AK8: variants seen among roughly 807,000 people sequenced by gnomAD.
The protein encoded by AK8 is adenylate kinase 8.
Under a neutral mutation model 54.6 loss-of-function variants are expected in AK8, and 44 were observed. That is an observed-to-expected ratio of 0.81 (90% confidence interval 0.63 to 1.04). The LOEUF is 1.04. Among genes scored for constraint, AK8 ranks in the 50% least tolerant of loss-of-function variants. The pLI, the probability that AK8 is intolerant of heterozygous loss-of-function variation, is 0.00. For missense variants in AK8, 555 were observed against 613.6 expected, an observed-to-expected ratio of 0.90 and a Z score of 1.01; for synonymous variants, 239 against 245.6, an observed-to-expected ratio of 0.97 and a Z score of 0.25.
intron 11 of AK8, among the ~76,000 whole-genome samples, chr9:132,756,863 G>T (rs1047068540): frequency 5.5e-4 from 83 of 151,948 alleles, no homozygotes; most frequent in African/African-American, 2.0e-3. Context: ...TATAACTCAC[G>T]GACTCGTGTC....
chr9:132,878,286 A>T, upstream of AK8: 1 of 1,328,238 alleles, frequency 7.5e-7, no homozygotes, highest in Non-Finnish European at 9.7e-7. This position sits in a 1 kb window ranked among gnomAD's most constrained non-coding sequence, Gnocchi z 4.7. Context: ...CTCCCTAGTA[A>T]CCGCGTCGCT....
chr9:132,747,863 C>T (rs944735811), intron 11 of AK8, among the ~76,000 whole-genome samples: 23 of 150,910 alleles, frequency 1.5e-4, no homozygotes, highest in African/African-American at 5.3e-4. Flanking sequence ...CACCTGTAAT[C>T]CCAGCACTTT....
At chr9:132,784,103 G>A (rs1373989681) in intron 11 of AK8, among the ~76,000 whole-genome samples, 1 of 152,202 alleles carries the variant, frequency 6.6e-6, no homozygotes, top group Non-Finnish European at 1.5e-5. Context: ...AAAGTAATAA[G>A]GAGAACCAAG....
At chr9:132,779,057 T>C (rs1438806025) in intron 11 of AK8, among the ~76,000 whole-genome samples, 1 of 148,942 alleles carries the variant, frequency 6.7e-6, no homozygotes, top group Non-Finnish European at 1.5e-5. Flanking sequence ...GTCTTTAAAA[T>C]GTCTTCCATA....
intron 11 of AK8, among the ~76,000 whole-genome samples, chr9:132,768,668 T>C (rs963901435): frequency 6.6e-6 from 1 of 152,218 alleles, no homozygotes; most frequent in African/African-American, 2.4e-5. Flanking sequence ...CAAATGCATA[T>C]GTGTGTGTAT....
chr9:132,832,954 G>T (rs111967637), intron 5 of AK8, among the ~76,000 whole-genome samples: 1 of 152,134 alleles, frequency 6.6e-6, no homozygotes, highest in Admixed American at 6.6e-5. Flanking sequence ...GAAATGGTAC[G>T]ATCACCTGGG....
intron 11 of AK8, among the ~76,000 whole-genome samples, chr9:132,756,739 A>C (rs1241707335): frequency 6.6e-6 from 1 of 152,008 alleles, no homozygotes; most frequent in African/African-American, 2.4e-5. Flanking sequence ...CACCTAATTT[A>C]TCTCTCATCA....
intron 11 of AK8, among the ~76,000 whole-genome samples, chr9:132,746,378 C>G (rs1837654447): frequency 6.6e-6 from 1 of 152,328 alleles, no homozygotes; most frequent in East Asian, 1.9e-4. Context: ...GGTCTGCACT[C>G]TCAGGATCAA....
At chr9:132,793,222 G>A (rs1229054373) in intron 10 of AK8, among the ~76,000 whole-genome samples, 3 of 152,198 alleles carry the variant, frequency 2.0e-5, no homozygotes, top group Admixed American at 2.0e-4. Context: ...TGGAAGGGGT[G>A]AGAAGTCTCT....
chr9:132,832,017 G>C (rs1023951816), intron 5 of AK8, among the ~76,000 whole-genome samples: 1 of 135,394 alleles, frequency 7.4e-6, no homozygotes, highest in Non-Finnish European at 1.5e-5. Flanking sequence ...AGCTACGATC[G>C]TGCTATTGCA....
upstream of AK8, chr9:132,878,423 G>C (rs944915871): frequency 8.1e-7 from 1 of 1,233,560 alleles, no homozygotes; most frequent in Non-Finnish European, 1.0e-6. The surrounding 1 kb of genome is among the most constrained non-coding windows in gnomAD (Gnocchi z 4.7). Context: ...CGGCTGACGC[G>C]CTCTGCGGCT....
intron 10 of AK8, among the ~76,000 whole-genome samples, chr9:132,793,856 A>G (rs1017187558): frequency 1.3e-5 from 2 of 152,112 alleles, no homozygotes; most frequent in Non-Finnish European, 2.9e-5. Context: ...ACTGGTTCCT[A>G]GGGGTGTGGT....
intron 5 of AK8, among the ~76,000 whole-genome samples, chr9:132,844,851 C>A (rs930436384): frequency 6.6e-6 from 1 of 152,214 alleles, no homozygotes; most frequent in African/African-American, 2.4e-5. Flanking sequence ...GAAGCTCTCA[C>A]CAGAGTAACA....
At chr9:132,801,008 T>C (rs1449927259) in intron 10 of AK8, among the ~76,000 whole-genome samples, 1 of 143,006 alleles carries the variant, frequency 7.0e-6, no homozygotes, top group African/African-American at 2.6e-5. Flanking sequence ...CACTACAACC[T>C]CTACCTCCTG....
chr9:132,838,042 C>G (rs1187623058), intron 5 of AK8, among the ~76,000 whole-genome samples: 1 of 152,190 alleles, frequency 6.6e-6, no homozygotes, highest in Non-Finnish European at 1.5e-5. Context: ...AGTGTCAAAA[C>G]AATGGCAAGA....
chr9:132,820,163 A>G, intron 9 of AK8, among the ~76,000 whole-genome samples: 1 of 146,440 alleles, frequency 6.8e-6, no homozygotes, highest in African/African-American at 2.5e-5. Context: ...AAAAAAAAAA[A>G]GACAAAGGGA....
chr9:132,855,653 G>C (rs182845162), intron 4 of AK8, among the ~76,000 whole-genome samples: 12 of 152,312 alleles, frequency 7.9e-5, no homozygotes, highest in African/African-American at 2.2e-4. Flanking sequence ...AAGCCCTGTC[G>C]ACCATAATGA....
rs1843111797 is a variant in AK8 at position 132,854,800 on chromosome 9, G to A, written c.402+57C>T. 3.2e-6 allele frequency: 5 copies of A among 1,577,420 alleles called. No homozygotes were observed. In the South Asian group the frequency reaches 4.4e-5, roughly 14 times the overall value. ...TCTCTGGTCTTGGAGATGAACACAC[G>A]CCCTTCACCCTCCCCTTTATCTTGG... On this transcript the variant is annotated intron_variant, in intron 5 of 12. Coordinates refer to ENST00000298545, the MANE Select transcript of AK8 (RefSeq NM_152572.3).
intron 2 of AK8, among the ~76,000 whole-genome samples, chr9:132,869,148 C>G (rs1843708776): frequency 6.6e-6 from 1 of 152,224 alleles, no homozygotes; most frequent in Non-Finnish European, 1.5e-5. Flanking sequence ...CCACTGCACT[C>G]TAGCCTGGGC....
Sources: allele counts gnomAD v4.1 joint callset (sites outside exome capture counted in the v4.1 genomes callset), GRCh38; gene constraint gnomAD v4.1.1; non-coding constraint Gnocchi (gnomAD v3.1); transcripts MANE v1.5; gene names NCBI Gene and HGNC (gene_info 2026-07-23, HGNC 2026-07-21).